Variants in HEMK2 observed in about 807,000 individuals in gnomAD.
The protein encoded by HEMK2 is HemK methyltransferase 2, ETF1 glutamine and histone H4 lysine.
chr21:28,710,530 TA>T, the HEMK2 span, among the ~76,000 whole-genome samples: 1 of 152,216 alleles, frequency 6.6e-6, no homozygotes, highest in South Asian at 2.1e-4. Context: ...ACAAATCACC[TA>T]AATACTTTAT....
At chr21:28,788,184 ATATATACG>A in the HEMK2 span, among the ~76,000 whole-genome samples, 6 of 149,818 alleles carry the variant, frequency 4.0e-5, no homozygotes, top group South Asian at 4.2e-4. Context: ...ATATATACAC[ATATATACG>A]TATATACGTA....
chr21:28,818,023 G>A, the HEMK2 span, among the ~76,000 whole-genome samples: 10 of 152,180 alleles, frequency 6.6e-5, no homozygotes, highest in African/African-American at 2.4e-4. Context: ...CAGGATTGAA[G>A]CATGCAAAGT....
At chr21:28,601,961 G>T in the HEMK2 span, among the ~76,000 whole-genome samples, 1 of 152,158 alleles carries the variant, frequency 6.6e-6, no homozygotes, top group East Asian at 1.9e-4. Flanking sequence ...CTGCCCAATA[G>T]AGCACTGTCC....
At chr21:28,831,690 G>A in the HEMK2 span, among the ~76,000 whole-genome samples, 1,030 of 60,886 alleles carry the variant, frequency 0.017, 53 homozygotes, top group East Asian at 0.098. Context: ...AAAGAAGGAA[G>A]GAAGGAAGGA....
At chr21:28,591,530 G>A in the HEMK2 span, among the ~76,000 whole-genome samples, 133,203 of 152,130 alleles carry the variant, frequency 0.88, 59,211 homozygotes, top group African/African-American at 0.93. Context: ...AGTTGAACAA[G>A]CTGCGTATCT....
chr21:28,757,342 A>G, the HEMK2 span, among the ~76,000 whole-genome samples: 1 of 152,222 alleles, frequency 6.6e-6, no homozygotes, highest in Non-Finnish European at 1.5e-5. Flanking sequence ...GGAGGAAAAG[A>G]TGAAAGGGAA....
the HEMK2 span, among the ~76,000 whole-genome samples, chr21:28,698,970 T>G: frequency 1.3e-5 from 2 of 152,254 alleles, no homozygotes; most frequent in African/African-American, 4.8e-5. Context: ...ATCCCATGGT[T>G]TTGCATATTC....
At chr21:28,883,100 T>C in the HEMK2 span, 6 of 1,481,220 alleles carry the variant, frequency 4.1e-6, no homozygotes, top group East Asian at 2.5e-5. Context: ...AATATTAGTA[T>C]AGTAGAATCA....
chr21:28,694,105 A>T, the HEMK2 span, among the ~76,000 whole-genome samples: 1 of 152,350 alleles, frequency 6.6e-6, no homozygotes, highest in Admixed American at 6.5e-5. Context: ...AAGGAAGGGT[A>T]CCTGTTTGTA....
the HEMK2 span, among the ~76,000 whole-genome samples, chr21:28,884,548 G>A: frequency 2.7e-4 from 41 of 152,196 alleles, no homozygotes; most frequent in African/African-American, 9.9e-4. Flanking sequence ...AATTGATGGC[G>A]ATCACTTCAA....
the HEMK2 span, among the ~76,000 whole-genome samples, chr21:28,684,196 T>C: frequency 6.6e-6 from 1 of 152,220 alleles, no homozygotes; most frequent in East Asian, 1.9e-4. Context: ...TATCCTACCG[T>C]GCACATAATT....
chr21:28,634,385 A>C, the HEMK2 span, among the ~76,000 whole-genome samples: 2 of 152,138 alleles, frequency 1.3e-5, no homozygotes, highest in Non-Finnish European at 2.9e-5. Context: ...CTAACAGTAC[A>C]TTTCCATGTA....
the HEMK2 span, among the ~76,000 whole-genome samples, chr21:28,729,726 C>G: frequency 6.6e-6 from 1 of 151,880 alleles, no homozygotes; most frequent in Non-Finnish European, 1.5e-5. Flanking sequence ...TCCTGGGCCG[C>G]GTGTGGCCCA....
chr21:28,677,315 G>C, the HEMK2 span, among the ~76,000 whole-genome samples: 1 of 152,220 alleles, frequency 6.6e-6, no homozygotes, highest in African/African-American at 2.4e-5. Flanking sequence ...ACAGCACTCT[G>C]AGATCAAACT....
chr21:28,632,602 ATCGATG>A, the HEMK2 span, among the ~76,000 whole-genome samples: 1 of 152,334 alleles, frequency 6.6e-6, no homozygotes, highest in Admixed American at 6.5e-5. Context: ...TTCATTTTCT[ATCGATG>A]TCAACATTAC....
At chr21:28,700,138 A>G in the HEMK2 span, among the ~76,000 whole-genome samples, 1 of 152,032 alleles carries the variant, frequency 6.6e-6, no homozygotes, top group African/African-American at 2.4e-5. Context: ...TCCTCTTCCC[A>G]AGTAGTGACC....
the HEMK2 span, among the ~76,000 whole-genome samples, chr21:28,598,670 C>T: frequency 1.3e-5 from 2 of 152,192 alleles, no homozygotes; most frequent in Non-Finnish European, 2.9e-5. Context: ...TCCGCAAGTC[C>T]TTCTAGTAAA....
chr21:28,779,311 G>A, the HEMK2 span, among the ~76,000 whole-genome samples: 16 of 152,208 alleles, frequency 1.1e-4, no homozygotes, highest in African/African-American at 3.9e-4. Context: ...TCTGTCATTT[G>A]TGAGAACACA....
At chr21:28,635,685 C>T in the HEMK2 span, among the ~76,000 whole-genome samples, 1 of 152,104 alleles carries the variant, frequency 6.6e-6, no homozygotes, top group Non-Finnish European at 1.5e-5. Flanking sequence ...TACTATATCA[C>T]CTAGCCCTAT....
Sources: allele counts gnomAD v4.1 joint callset (sites outside exome capture counted in the v4.1 genomes callset), GRCh38; gene constraint gnomAD v4.1.1; transcripts MANE v1.5; gene names NCBI Gene and HGNC (gene_info 2026-07-23, HGNC 2026-07-21).